SFMBT2: variants seen among roughly 807,000 people sequenced by gnomAD.
The protein encoded by SFMBT2 is scm-like with four MBT domains protein 2.
In SFMBT2, 38 loss-of-function variants were observed where a neutral mutation model predicts 110.1. That is an observed-to-expected ratio of 0.35 (90% CI 0.27 to 0.45). The LOEUF (loss-of-function observed/expected upper bound fraction) is 0.45. SFMBT2 is among the 20% of genes least tolerant of loss of function. The probability of loss-of-function intolerance (pLI) is 1.00; values close to 1 mark genes in which losing one functional copy is unlikely to be tolerated. For synonymous variants in SFMBT2, 425 were observed against 425.4 expected (o/e 1.00, Z 0.01); for missense variants, 1,011 against 1,094.9 (o/e 0.92, Z 1.08).
chr10:7,357,211 T>G lies in SFMBT2; in HGVS notation c.436+10438A>C, dbSNP rs76870504. ...TGGGCGATTCAGCTCTAGCTCTGAA[T>G]CCACGCCTGGCAGGGTTAATTTTAT... On this transcript the variant is annotated intron_variant, in intron 4 of 20. Transcript: ENST00000397167. Among the ~76,000 whole-genome samples, 1,106 of 152,158 alleles carry G rather than the reference T, an allele frequency of 7.3e-3. 18 individuals carry two copies. Among genetic ancestry groups the G allele is most frequent in the African/African-American group, 0.025 (1,038 of 41,496 alleles).
intron 2 of SFMBT2, among the ~76,000 whole-genome samples, chr10:7,374,805 A>G (rs1174671992): frequency 6.6e-6 from 1 of 152,254 alleles, no homozygotes; most frequent in Non-Finnish European, 1.5e-5. Context: ...AGTCAAGCAC[A>G]AAATTTACGG....
chr10:7,337,871 T>C lies in SFMBT2; in HGVS notation c.436+29778A>G, dbSNP rs1016855909. On this transcript the variant is annotated intron_variant, in intron 4 of 20. Transcript: ENST00000397167. The stretch of plus-strand genomic sequence containing the variant: ...GGACCACAATGAGTCATGTTTCCAG[T>C]TCAATTCAAATTAATCTTCAAATAC... Among the ~76,000 whole-genome samples the C allele has an allele frequency of 2.6e-4, 39 of 152,240 alleles. 1 individual carries two copies. Among genetic ancestry groups the C allele is most frequent in the Middle Eastern group, 3.4e-3 (1 of 294 alleles).
chr10:7,376,889 C>A (rs904151134), intron 2 of SFMBT2, among the ~76,000 whole-genome samples: 1 of 149,736 alleles, frequency 6.7e-6, no homozygotes, highest in South Asian at 2.1e-4. Context: ...AGAAAACACC[C>A]GGCCGAGTGT....
At chr10:7,209,285 T>C (rs889073367) in intron 11 of SFMBT2, among the ~76,000 whole-genome samples, 1 of 152,238 alleles carries the variant, frequency 6.6e-6, no homozygotes, top group Non-Finnish European at 1.5e-5. Flanking sequence ...ACCTTTATCA[T>C]TTTATAGAAA....
At chr10:7,178,914 A>G (rs1330382612) in intron 16 of SFMBT2, among the ~76,000 whole-genome samples, 1 of 152,270 alleles carries the variant, frequency 6.6e-6, no homozygotes, top group Non-Finnish European at 1.5e-5. Flanking sequence ...AACTGGCAAC[A>G]GATCATAGGT....
At chr10:7,303,035 G>A (rs914768739) in intron 4 of SFMBT2, among the ~76,000 whole-genome samples, 2 of 151,856 alleles carry the variant, frequency 1.3e-5, no homozygotes, top group Admixed American at 1.3e-4. Context: ...TGCTGCACCT[G>A]TAGCTGTCAA....
At chr10:7,200,926 C>T (rs898141139) in intron 13 of SFMBT2, 1 of 792,318 alleles carries the variant, frequency 1.3e-6, no homozygotes, top group Non-Finnish European at 1.5e-6. Flanking sequence ...CCGCGGGAGT[C>T]ATGGCCACAC....
Position 7,381,736 on chromosome 10 carries a change from C to T in SFMBT2, c.100+63G>A, listed in dbSNP as rs904987771. On this transcript the variant is annotated intron_variant, in intron 2 of 20. Coordinates refer to ENST00000397167, the MANE Select transcript of SFMBT2 (RefSeq NM_001387889.1). ...ATGTTGCCCCATTGTTTCCTGAATA[C>T]TTTCAGGAAGATATTGATCAATTCA... is the stretch of plus-strand genomic sequence containing the variant. 3.3e-6 allele frequency: 5 copies of T among 1,536,664 alleles called. No homozygotes were observed. In the African/African-American group the frequency reaches 5.5e-5, roughly 17 times the overall value.
chr10:7,380,490 T>C (rs761869057), intron 2 of SFMBT2, among the ~76,000 whole-genome samples: 4 of 152,236 alleles, frequency 2.6e-5, no homozygotes, highest in Non-Finnish European at 5.9e-5. Flanking sequence ...ACTAGTCTCA[T>C]CAAAATGTGA....
Position 7,248,569 on chromosome 10 carries a change from G to A in SFMBT2, c.951C>T (p.Ile317=), listed in dbSNP as rs145783159. The A allele has an allele frequency of 6.2e-6, 10 of 1,614,036 alleles. No individual in the cohort carries two copies. The African/African-American group carries it at 1.2e-4, about 19-fold the overall frequency. ...CCACCTTAGTCACCGACGCAGGAGAGATGTAAAAGGGCTCGCACATATTCA... is the reference window on the plus strand; with the variant it reads ...CCACCTTAGTCACCGACGCAGGAGAAATGTAAAAGGGCTCGCACATATTCA... ...ETVNMCEPFY[I]SPASVTKVFN... is the part of the protein sequence containing the mutation. The change falls in exon 8 of 21, where the codon ATC becomes ATT. Residue 317 remains isoleucine, a synonymous_variant. Coordinates refer to ENST00000397167, the MANE Select transcript of SFMBT2 (RefSeq NM_001387889.1).
chr10:7,220,871 G>C (rs2131649640), intron 10 of SFMBT2, among the ~76,000 whole-genome samples: 1 of 147,358 alleles, frequency 6.8e-6, no homozygotes, highest in East Asian at 2.0e-4. Flanking sequence ...CTGATGCCCA[G>C]ACTGGAGTGC....
chr10:7,284,009 A>G lies in SFMBT2; in HGVS notation c.667T>C (p.Leu223=), dbSNP rs1564421416. The G allele has an allele frequency of 1.2e-6, 2 of 1,613,658 alleles. No homozygotes were observed. The highest frequency in any genetic ancestry group is 2.2e-5 in the East Asian group (1 of 44,880). The change falls in exon 6 of 21, where the codon TTG becomes CTG. Residue 223 remains leucine, a synonymous_variant. Coordinates refer to ENST00000397167, the MANE Select transcript of SFMBT2 (RefSeq NM_001387889.1). ...GGRLRLRYVG[L]EDTESYDQWL... ...TGGTCATAGGATTCAGTGTCCTCCAATCCCACATAGCGAAGGCGTAATCTT... is the reference window on the plus strand; with the variant it reads ...TGGTCATAGGATTCAGTGTCCTCCAGTCCCACATAGCGAAGGCGTAATCTT...
chr10:7,338,630 T>G (rs574988100), intron 4 of SFMBT2, among the ~76,000 whole-genome samples: 2 of 152,072 alleles, frequency 1.3e-5, no homozygotes, highest in African/African-American at 2.4e-5. Flanking sequence ...GGAAGCGGAG[T>G]TGGTCTTGCT....
chr10:7,385,014 T>G (rs193079246), intron 1 of SFMBT2, among the ~76,000 whole-genome samples: 1 of 152,306 alleles, frequency 6.6e-6, no homozygotes, highest in Non-Finnish European at 1.5e-5. Flanking sequence ...TCTAAGGTCT[T>G]CTGCGCTACA....
At position 7,239,224 on chromosome 10, in the gene SFMBT2, T is replaced by A. The variant is rs151142788; in HGVS notation, c.1120+4334A>T. 2.3e-4 allele frequency among the ~76,000 whole-genome samples: 35 copies of A among 152,378 alleles called. No individual in the cohort carries two copies. In the East Asian group the frequency reaches 6.5e-3, roughly 29 times the overall value. On this transcript the variant is annotated intron_variant, in intron 9 of 20. Transcript: ENST00000397167. ...CAACACATTGTAATTGTAGGCAGCA[T>A]CCATGTTCTTAACAGAAATTTAGAC... is the stretch of plus-strand genomic sequence containing the variant.
intron 2 of SFMBT2, among the ~76,000 whole-genome samples, chr10:7,377,137 C>G (rs1446300132): frequency 7.3e-6 from 1 of 137,142 alleles, no homozygotes; most frequent in Non-Finnish European, 1.5e-5. Context: ...CCATTGCACT[C>G]CAGCCTGGGA....
At position 7,285,641 on chromosome 10, in the gene SFMBT2, C is replaced by T. The variant is rs1842062965; in HGVS notation, c.525+225G>A. On this transcript the variant is annotated intron_variant, in intron 5 of 20. Transcript: ENST00000397167. ...ATTTAAAAATTGGATTCACATAGAG[C>T]AAATTTTCCATTTGCTGATTGCATC... The T allele has an allele frequency of 8.2e-6, 4 of 490,002 alleles. 1 individual carries two copies. In the South Asian group the frequency reaches 1.0e-4, roughly 12 times the overall value. The allele number at this position is 490,002 out of a possible 1,614,324, so 30.4% of individuals were successfully genotyped here.
intron 15 of SFMBT2, chr10:7,189,180 C>T (rs565905066): frequency 1.0e-6 from 1 of 985,400 alleles, no homozygotes; most frequent in Admixed American, 6.1e-5. Context: ...GGAGAGGCTT[C>T]ACATGCTTGC....
At chr10:7,168,788 G>T (rs1837779899) in intron 20 of SFMBT2, among the ~76,000 whole-genome samples, 1 of 152,110 alleles carries the variant, frequency 6.6e-6, no homozygotes, top group Non-Finnish European at 1.5e-5. Context: ...TCTTACAATT[G>T]TCTTTCTTTC....
Sources: allele counts gnomAD v4.1 joint callset (sites outside exome capture counted in the v4.1 genomes callset), GRCh38; gene constraint gnomAD v4.1.1; transcripts MANE v1.5; gene names NCBI Gene and HGNC (gene_info 2026-07-23, HGNC 2026-07-21).